DOCK2: variants seen among roughly 807,000 people sequenced by gnomAD.
The protein encoded by DOCK2 is dedicator of cytokinesis 2.
Under a neutral mutation model 248.9 loss-of-function variants are expected in DOCK2, and 87 were observed. The ratio of observed to expected loss-of-function variants is 0.35; its 90% CI spans 0.29 to 0.42. DOCK2 has a LOEUF of 0.42. Among genes scored for constraint, DOCK2 ranks in the 10% least tolerant of loss-of-function variants. DOCK2 has a pLI of 1.00. For synonymous variants in DOCK2, 805 were observed against 821.6 expected (o/e 0.98, Z 0.35); for missense variants, 1,747 against 2,300.2 (o/e 0.76, Z 4.92).
At position 169,803,089 on chromosome 5, in the gene DOCK2, C is replaced by G. The variant is rs1196164534; in HGVS notation, c.2586C>G (p.Thr862=). The G allele has an allele frequency of 3.7e-6, 6 of 1,614,120 alleles. No individual in the cohort carries two copies. The South Asian group carries it at 6.6e-5, about 18-fold the overall frequency. The change falls in exon 26 of 52, where the codon ACC becomes ACG. Residue 862 remains threonine (T), a synonymous_variant. Coordinates refer to ENST00000520908, the MANE Select transcript of DOCK2 (RefSeq NM_004946.3). ...ECRDILLPVI[T]KELKELLEQK... ...GGGACATTCTGCTTCCTGTCATCACCAAAGAGCTGAAGGAGCTGCTGGAGC... is the reference window on the plus strand; with the variant it reads ...GGGACATTCTGCTTCCTGTCATCACGAAAGAGCTGAAGGAGCTGCTGGAGC...
chr5:169,993,282 ATT>A (rs1277887773), intron 29 of DOCK2, among the ~76,000 whole-genome samples: 1 of 152,060 alleles, frequency 6.6e-6, no homozygotes, highest in Non-Finnish European at 1.5e-5. Context: ...ATTTTGTGGG[ATT>A]TTTATTTCTG....
rs575271717 is a variant in DOCK2 at position 169,764,503 on chromosome 5, A to T, written c.2554+2878A>T. 2.2e-4 allele frequency among the ~76,000 whole-genome samples: 33 copies of T among 152,316 alleles called. No homozygotes were observed. Among genetic ancestry groups the T allele is most frequent in the Non-Finnish European group, 4.3e-4 (29 of 68,020 alleles). On this transcript the variant is annotated intron_variant, in intron 25 of 51. Coordinates refer to ENST00000520908, the MANE Select transcript of DOCK2 (RefSeq NM_004946.3). The surrounding 1 kb of genome is among the most constrained non-coding windows in gnomAD (Gnocchi z 4.3). Reference sequence around the variant, plus strand: ...AACCTCTCTGATTCTCAGTAAGCTCATCTGGAAAGTGGGAATAAGAACAAT... The same window carrying T: ...AACCTCTCTGATTCTCAGTAAGCTCTTCTGGAAAGTGGGAATAAGAACAAT...
At chr5:169,869,522 G>C (rs1771809938) in intron 27 of DOCK2, among the ~76,000 whole-genome samples, 1 of 152,190 alleles carries the variant, frequency 6.6e-6, no homozygotes, top group South Asian at 2.1e-4. Context: ...CAGTTTGGAA[G>C]GGAGGAGAGG....
chr5:169,641,623 C>T (rs1272485163), intron 1 of DOCK2, among the ~76,000 whole-genome samples: 1 of 152,152 alleles, frequency 6.6e-6, no homozygotes, highest in African/African-American at 2.4e-5. Flanking sequence ...ACAGGAGGAG[C>T]CAGGCCTCGG....
chr5:169,931,522 G>A (rs1392919634), intron 27 of DOCK2, among the ~76,000 whole-genome samples: 2 of 152,330 alleles, frequency 1.3e-5, no homozygotes, highest in East Asian at 1.9e-4. Flanking sequence ...GTATCGTTTT[G>A]TGGAAAGTTG....
chr5:170,067,666 G>A lies in DOCK2; in HGVS notation c.4624G>A (p.Gly1542Ser). Residue 1542 changes from glycine (G) to serine (S), a missense_variant, in exon 45 of 52, where the codon GGC becomes AGC. By Grantham distance (56) the Gly-to-Ser change is moderately conservative. Around this residue, in one of 4 missense-constraint regions of DOCK2, gnomAD observed 513 missense variants for 586.1 expected, o/e 0.88. Coordinates refer to ENST00000520908, the MANE Select transcript of DOCK2 (RefSeq NM_004946.3). ...NGIVDPAVMG[G>S]FAKYEKAFFT... Reference sequence around the variant, plus strand: ...GATTGTGGACCCTGCTGTCATGGGAGGCTTCGCCAAGTATGAGAAGGTGAG... The same window carrying A: ...GATTGTGGACCCTGCTGTCATGGGAAGCTTCGCCAAGTATGAGAAGGTGAG... 2 of 1,614,114 alleles carry A rather than the reference G, an allele frequency of 1.2e-6. No individual in the cohort carries two copies. The highest frequency in any genetic ancestry group is 1.7e-6 in the Non-Finnish European group (2 of 1,179,988).
intron 32 of DOCK2, among the ~76,000 whole-genome samples, chr5:170,010,867 G>A (rs771174304): frequency 2.6e-5 from 4 of 152,142 alleles, no homozygotes; most frequent in Non-Finnish European, 4.4e-5. Context: ...CCTTCCACAT[G>A]GCCTGCTCTT....
chr5:169,973,358 A>G (rs987447603), intron 27 of DOCK2, among the ~76,000 whole-genome samples: 1 of 152,162 alleles, frequency 6.6e-6, no homozygotes, highest in African/African-American at 2.4e-5. Flanking sequence ...CTGATCACAG[A>G]CTGTTCCTGG....
At chr5:170,047,483 G>A (rs1201907123) in intron 39 of DOCK2, 27 bp from the exon 40 acceptor site, 5 of 1,606,850 alleles carry the variant, frequency 3.1e-6, no homozygotes, top group African/African-American at 2.7e-5. Flanking sequence ...CATCTGTGTT[G>A]CAACAAACCT....
At chr5:169,679,437 C>T (rs929806019) in intron 6 of DOCK2, among the ~76,000 whole-genome samples, 2 of 152,132 alleles carry the variant, frequency 1.3e-5, no homozygotes, top group African/African-American at 4.8e-5. Context: ...TCCTGTCAAT[C>T]CTACCAAAGC....
At chr5:169,978,689 C>T (rs114365243) in intron 27 of DOCK2, among the ~76,000 whole-genome samples, 95 of 152,172 alleles carry the variant, frequency 6.2e-4, no homozygotes, top group African/African-American at 2.1e-3. Context: ...TGTGCAAGAC[C>T]TCCCTACGTC....
intron 1 of DOCK2, among the ~76,000 whole-genome samples, chr5:169,651,646 G>C (rs1344442461): frequency 6.6e-6 from 1 of 152,196 alleles, no homozygotes; most frequent in Non-Finnish European, 1.5e-5. Flanking sequence ...GACCACTTGG[G>C]CTGAAAGAGC....
Position 170,082,809 on chromosome 5 carries a change from C to A in DOCK2, c.5444C>A (p.Ser1815Ter), listed in dbSNP as rs749573495. 1 of 1,614,132 alleles carries A rather than the reference C, an allele frequency of 6.2e-7. No homozygotes were observed. The change falls in exon 52 of 52, where the codon TCG becomes TAG. Residue 1815 changes from serine (S) to a stop codon, truncating the protein, a stop_gained. Coordinates refer to ENST00000520908, the MANE Select transcript of DOCK2 (RefSeq NM_004946.3). LOFTEE classifies it high-confidence loss of function. ...TTCTCTCAAAAGCTGGCCAGCAAAT[C>A]GGCTGAAGAAGGCAAACAGATCCCA... ...QFFKTMLASK[S>*]AEEGKQIPDS...
chr5:169,835,118 G>A (rs1769479345), intron 26 of DOCK2, among the ~76,000 whole-genome samples: 1 of 152,100 alleles, frequency 6.6e-6, no homozygotes, highest in African/African-American at 2.4e-5. Flanking sequence ...ACTTGGATGA[G>A]AATGGCATTT....
chr5:169,729,559 A>G lies in DOCK2; in HGVS notation c.2267+10768A>G, dbSNP rs146940465. Among the ~76,000 whole-genome samples, 609 of 152,324 alleles carry G rather than the reference A, an allele frequency of 4.0e-3. 2 individuals carry two copies. The highest frequency in any genetic ancestry group is 5.2e-3 in the Non-Finnish European group (352 of 68,028). ...TTTCATTCATTCATTTGTGTATTCA[A>G]TAGTCACTTTTGAGTCTTACTATTT... On this transcript the variant is annotated intron_variant, in intron 22 of 51. Transcript: ENST00000520908.
At chr5:169,929,689 C>G (rs902048600) in intron 27 of DOCK2, among the ~76,000 whole-genome samples, 9 of 148,914 alleles carry the variant, frequency 6.0e-5, no homozygotes, top group Non-Finnish European at 1.3e-4. Context: ...TCACAGTGAG[C>G]CAAGAGGGGA....
At chr5:169,801,558 C>T (rs901362439) in intron 25 of DOCK2, among the ~76,000 whole-genome samples, 4 of 152,144 alleles carry the variant, frequency 2.6e-5, no homozygotes, top group African/African-American at 7.2e-5. Flanking sequence ...TCATTATGAA[C>T]GTTCCCTCAA....
intron 27 of DOCK2, among the ~76,000 whole-genome samples, chr5:169,905,293 GTT>G (rs35677067): frequency 2.0e-3 from 288 of 146,226 alleles, no homozygotes; most frequent in African/African-American, 6.7e-3. Flanking sequence ...TAGAGCCAGT[GTT>G]TTTTTTTTTT....
chr5:169,703,263 C>T (rs1045809971), intron 14 of DOCK2, among the ~76,000 whole-genome samples: 3 of 152,114 alleles, frequency 2.0e-5, no homozygotes, highest in African/African-American at 7.2e-5. Context: ...ATGGAAGAGG[C>T]ATCATTTTTG....
Sources: allele counts gnomAD v4.1 joint callset (sites outside exome capture counted in the v4.1 genomes callset), GRCh38; gene constraint gnomAD v4.1.1; regional missense constraint gnomAD v4.1.1; non-coding constraint Gnocchi (gnomAD v3.1); transcripts MANE v1.5; gene names NCBI Gene and HGNC (gene_info 2026-07-23, HGNC 2026-07-21).